The following MYO10 variants were observed in gnomAD, a reference collection of about 807,000 sequenced individuals.
MYO10 encodes the protein myosin X.
Under a neutral mutation model 257.3 loss-of-function variants are expected in MYO10, and 133 were observed. That is an observed-to-expected ratio of 0.52 (90% confidence interval 0.45 to 0.60). The LOEUF (loss-of-function observed/expected upper bound fraction) is 0.60, where lower values mean the gene tolerates loss of function less well. Ranked by LOEUF, MYO10 falls within the 20% of genes least tolerant of loss-of-function variation. The pLI is 0.00. For synonymous variants in MYO10, 1,104 were observed against 1,028.6 expected (o/e 1.07, Z -1.40); for missense variants, 2,399 against 2,635.7 (o/e 0.91, Z 1.97).
intron 26 of MYO10, among the ~76,000 whole-genome samples, chr5:16,695,687 A>G (rs896451078): frequency 9.9e-5 from 15 of 151,764 alleles, no homozygotes; most frequent in African/African-American, 3.6e-4. Flanking sequence ...CATCTGACAC[A>G]CATCTGTTAT....
rs77464245 is a variant in MYO10 at position 16,664,587 on chromosome 5, C to T, written c.*2105G>A. 11,751 of 152,222 alleles carry T rather than the reference C, an allele frequency of 0.077. 626 individuals are homozygous for T. Among genetic ancestry groups the T allele is most frequent in the Non-Finnish European group, 0.11 (7,699 of 68,026 alleles). 9.4% of individuals were successfully genotyped at this position (152,222 alleles called of 1,614,324 possible). A position where few individuals can be genotyped will look rare whatever the true frequency, so the allele number is the denominator to read the frequency against. On this transcript the variant is annotated 3_prime_UTR_variant, in exon 41 of 41. Coordinates refer to ENST00000513610, the MANE Select transcript of MYO10 (RefSeq NM_012334.3). ...AGTCAGTGGTCTGCAAGAGAAGTGG[C>T]GCTTGCTCATGCTAGACGCCTGGCC...
chr5:16,920,159 A>G (rs1467233292), intron 1 of MYO10, among the ~76,000 whole-genome samples: 1 of 152,104 alleles, frequency 6.6e-6, no homozygotes, highest in Non-Finnish European at 1.5e-5. Flanking sequence ...CTGTAAACCC[A>G]GCTGCTTGGG....
intron 17 of MYO10, among the ~76,000 whole-genome samples, chr5:16,758,836 A>G (rs1344605191): frequency 1.3e-5 from 2 of 152,220 alleles, no homozygotes; most frequent in African/African-American, 4.8e-5. Context: ...GCTACCTGGC[A>G]TATCATATAT....
intron 9 of MYO10, among the ~76,000 whole-genome samples, chr5:16,778,784 G>T (rs1182941883): frequency 1.4e-5 from 2 of 143,516 alleles, no homozygotes; most frequent in African/African-American, 5.3e-5. Flanking sequence ...TCCGCCTCCC[G>T]GGTTCACGCC....
chr5:16,885,969 A>G (rs1177754419), intron 1 of MYO10, among the ~76,000 whole-genome samples: 1 of 152,188 alleles, frequency 6.6e-6, no homozygotes, highest in Non-Finnish European at 1.5e-5. Flanking sequence ...CTTGCCATAG[A>G]GTACTCAAAC....
intron 19 of MYO10, among the ~76,000 whole-genome samples, chr5:16,718,569 T>C (rs1243158976): frequency 1.3e-5 from 2 of 150,850 alleles, no homozygotes; most frequent in African/African-American, 2.5e-5. Flanking sequence ...CCTTTATGTC[T>C]AGCTCAGGGA....
intron 1 of MYO10, among the ~76,000 whole-genome samples, chr5:16,881,462 C>G (rs1744752961): frequency 6.6e-6 from 1 of 152,188 alleles, no homozygotes; most frequent in Non-Finnish European, 1.5e-5. Context: ...TCTTCTCCAA[C>G]AGGTGTGAAG....
chr5:16,826,047 C>G (rs1426704079), intron 2 of MYO10, among the ~76,000 whole-genome samples: 2 of 151,906 alleles, frequency 1.3e-5, no homozygotes, highest in Non-Finnish European at 2.9e-5. Context: ...ATTTGGGAGG[C>G]AGAGGCAAAA....
intron 2 of MYO10, among the ~76,000 whole-genome samples, chr5:16,824,866 C>G (rs1449479288): frequency 6.6e-6 from 1 of 152,010 alleles, no homozygotes; most frequent in East Asian, 1.9e-4. Flanking sequence ...GACTCTGTCT[C>G]AAAGAAACAA....
chr5:16,696,444 C>G (rs1285936769), intron 26 of MYO10, among the ~76,000 whole-genome samples: 2 of 152,204 alleles, frequency 1.3e-5, no homozygotes, highest in African/African-American at 4.8e-5. Context: ...TGCATTTACA[C>G]AATAGCTTTA....
chr5:16,718,842 T>G (rs541397092), intron 19 of MYO10, among the ~76,000 whole-genome samples: 5 of 152,264 alleles, frequency 3.3e-5, no homozygotes, highest in South Asian at 2.1e-4. Context: ...GGAGAACCTG[T>G]GTGTCCAAAC....
intron 1 of MYO10, among the ~76,000 whole-genome samples, chr5:16,895,733 C>T (rs190421): frequency 0.29 from 43,195 of 147,604 alleles, 7,276 homozygotes; most frequent in Admixed American, 0.42. Flanking sequence ...TGATGTAAGC[C>T]GCCCCCTCCC....
At chr5:16,818,894 T>C (rs902446283) in intron 2 of MYO10, among the ~76,000 whole-genome samples, 16 of 152,334 alleles carry the variant, frequency 1.1e-4, no homozygotes, top group Middle Eastern at 3.4e-3. Context: ...TTGATATAAA[T>C]CAGTAACAAT....
intron 2 of MYO10, among the ~76,000 whole-genome samples, chr5:16,849,098 G>A (rs1192274690): frequency 6.6e-6 from 1 of 152,276 alleles, no homozygotes; most frequent in East Asian, 1.9e-4. Context: ...TGGGACTACA[G>A]GTATGAGCCA....
chr5:16,703,430 T>TG (rs1489103998), intron 22 of MYO10, among the ~76,000 whole-genome samples: 2 of 152,228 alleles, frequency 1.3e-5, no homozygotes, highest in Admixed American at 6.5e-5. Flanking sequence ...TAAGTAGTCT[T>TG]GGCAGAAAGT....
chr5:16,699,925 T>C (rs749377526), intron 25 of MYO10, among the ~76,000 whole-genome samples: 13 of 152,090 alleles, frequency 8.5e-5, no homozygotes, highest in Non-Finnish European at 5.9e-5. Flanking sequence ...GTTGAATTGA[T>C]ACATGAAAGA....
chr5:16,785,596 A>G (rs1741555110), intron 4 of MYO10, among the ~76,000 whole-genome samples: 1 of 152,236 alleles, frequency 6.6e-6, no homozygotes, highest in South Asian at 2.1e-4. Flanking sequence ...GAGGCCGGGC[A>G]CTGTGGCTTG....
intron 1 of MYO10, among the ~76,000 whole-genome samples, chr5:16,917,839 C>A (rs1023772632): frequency 1.1e-3 from 164 of 152,246 alleles, no homozygotes; most frequent in African/African-American, 3.8e-3. Context: ...TGCATCACTG[C>A]ACTCCGGCCT....
chr5:16,744,495 C>T (rs1454403780), intron 19 of MYO10, among the ~76,000 whole-genome samples: 2 of 152,112 alleles, frequency 1.3e-5, no homozygotes, highest in African/African-American at 2.4e-5. Context: ...CCCATGCCAA[C>T]GGGATTATGG....
Sources: gnomAD v4.1 joint callset for allele counts (sites outside exome capture counted in the v4.1 genomes callset) on GRCh38, gnomAD v4.1.1 for gene constraint, MANE v1.5 for transcripts, NCBI Gene and HGNC (gene_info 2026-07-23, HGNC 2026-07-21) for gene names.